The following PHEX variants were observed in gnomAD, a reference collection of about 807,000 sequenced individuals.
The protein encoded by PHEX is phosphate-regulating neutral endopeptidase PHEX.
In PHEX, 16 loss-of-function variants were observed where a neutral mutation model predicts 68.0. The observed-to-expected ratio is 0.24, with a 90% CI of 0.16 to 0.36. PHEX has a LOEUF of 0.36. Ranked by LOEUF, PHEX falls within the 10% of genes least tolerant of loss-of-function variation. The pLI is 1.00. For missense variants in PHEX, 480 were observed against 575.5 expected (o/e 0.83, Z 1.70); for synonymous variants, 208 against 205.1 (o/e 1.01, Z -0.12).
intron 3 of PHEX, among the ~76,000 whole-genome samples, chrX:22,071,481 C>T (rs979715805): frequency 2.7e-5 from 3 of 111,524 alleles, no homozygotes; most frequent in Admixed American, 1.9e-4. Flanking sequence ...TTCAACTCAG[C>T]GAACATTCAC....
At chrX:22,204,477 AG>A (rs1015982610) in intron 15 of PHEX, among the ~76,000 whole-genome samples, 2 of 112,377 alleles carry the variant, frequency 1.8e-5, no homozygotes, top group African/African-American at 6.5e-5. Flanking sequence ...CTTCCTCTTT[AG>A]GTCTTGCAAA....
intron 18 of PHEX, among the ~76,000 whole-genome samples, chrX:22,224,325 A>G (rs1935371388): frequency 8.9e-6 from 1 of 111,773 alleles, no homozygotes. Context: ...GGAAAAACCT[A>G]TAATGGAATG....
At chrX:22,095,554 G>A (rs1165746506) in intron 7 of PHEX, among the ~76,000 whole-genome samples, 3 of 112,131 alleles carry the variant, frequency 2.7e-5, no homozygotes, top group African/African-American at 6.5e-5. Flanking sequence ...GTGAGACTCC[G>A]AGGGCGGAGG....
intron 6 of PHEX, among the ~76,000 whole-genome samples, chrX:22,091,698 C>G (rs947619884): frequency 8.9e-6 from 1 of 111,860 alleles, no homozygotes; most frequent in African/African-American, 3.3e-5. Context: ...TGTTCTTCCC[C>G]CAACAAAAGC....
At chrX:22,211,949 A>G (rs1008282648) in intron 15 of PHEX, among the ~76,000 whole-genome samples, 2 of 111,820 alleles carry the variant, frequency 1.8e-5, no homozygotes, top group African/African-American at 3.3e-5. Context: ...AACCGCGCCC[A>G]TGATTCAATT....
chrX:22,232,063 A>T (rs1351031568), intron 20 of PHEX, among the ~76,000 whole-genome samples: 2 of 111,740 alleles, frequency 1.8e-5, no homozygotes, highest in Admixed American at 1.9e-4. Flanking sequence ...TTCAGTTTCC[A>T]TGTAGCTGTG....
chrX:22,135,930 A>G (rs1225483370), intron 12 of PHEX, among the ~76,000 whole-genome samples: 2 of 111,998 alleles, frequency 1.8e-5, no homozygotes, highest in South Asian at 7.5e-4. Context: ...CTTGCATTTC[A>G]GAGTTCAGAG....
chrX:22,169,807 C>CT (rs1284624966), intron 13 of PHEX: 1 of 112,643 alleles, frequency 8.9e-6, no homozygotes, highest in African/African-American at 3.2e-5. Flanking sequence ...TTATTTCATC[C>CT]TGTGTAGGTT....
intron 20 of PHEX, among the ~76,000 whole-genome samples, chrX:22,232,941 G>C (rs1935819697): frequency 9.0e-6 from 1 of 111,007 alleles, no homozygotes; most frequent in South Asian, 3.9e-4. Context: ...GGTGCCAGTT[G>C]TTCCTTTCTG....
chrX:22,196,112 G>A (rs1354221410), intron 15 of PHEX, among the ~76,000 whole-genome samples: 1 of 112,021 alleles, frequency 8.9e-6, no homozygotes, highest in Non-Finnish European at 1.9e-5. Context: ...CCAGGGGTTT[G>A]AGACAGCAGT....
chrX:22,201,267 C>G (rs1045204397), intron 15 of PHEX, among the ~76,000 whole-genome samples: 3 of 111,302 alleles, frequency 2.7e-5, no homozygotes, highest in African/African-American at 9.8e-5. Context: ...ACCTTCACCT[C>G]CTGGGTTCAA....
chrX:22,079,850 A>C (rs7889396), intron 5 of PHEX, among the ~76,000 whole-genome samples: 8,041 of 111,451 alleles, frequency 0.072, 442 homozygotes, highest in African/African-American at 0.19. Flanking sequence ...AATGCAGAAG[A>C]AATAATAGGA....
intron 3 of PHEX, among the ~76,000 whole-genome samples, chrX:22,055,946 T>G (rs1167841059): frequency 8.9e-6 from 1 of 111,985 alleles, no homozygotes; most frequent in African/African-American, 3.2e-5. Flanking sequence ...GCCTTCCATT[T>G]TAAGATCTGA....
intron 3 of PHEX, among the ~76,000 whole-genome samples, chrX:22,067,568 T>C (rs182208789): frequency 9.0e-6 from 1 of 111,588 alleles, no homozygotes; most frequent in East Asian, 2.8e-4. Flanking sequence ...CAAAAGTTCC[T>C]TTTTTGATTT....
chrX:22,155,792 CT>C (rs1932937619), intron 12 of PHEX, among the ~76,000 whole-genome samples: 1 of 111,145 alleles, frequency 9.0e-6, no homozygotes, highest in African/African-American at 3.3e-5. Context: ...ACCTTTGTGC[CT>C]TATTTTTCCC....
rs1274548041 is a variant in PHEX at position 22,179,289 on chromosome X, C to CT, written c.1586+920dup. On this transcript the variant is annotated intron_variant, in intron 14 of 21. Coordinates refer to ENST00000379374, the MANE Select transcript of PHEX (RefSeq NM_000444.6). ...GGTCTGGATTTCAACTCCAGAATTTCTTTTTTTAATTTAATTGTATTATTA... is the reference window on the plus strand; with the variant it reads ...GGTCTGGATTTCAACTCCAGAATTTCTTTTTTTTAATTTAATTGTATTATTA... Among the ~76,000 whole-genome samples the CT allele has an allele frequency of 3.6e-5, 4 of 110,624 alleles. No homozygotes were observed. The East Asian group carries it at 1.1e-3, about 31-fold the overall frequency.
chrX:22,043,479 G>A (rs927839052), intron 2 of PHEX, among the ~76,000 whole-genome samples: 2 of 111,011 alleles, frequency 1.8e-5, no homozygotes, highest in Admixed American at 9.6e-5. Context: ...TTCAGGTGAG[G>A]AAACTAAGAC....
At chrX:22,242,919 G>GA (rs1472267957) in intron 20 of PHEX, among the ~76,000 whole-genome samples, 1 of 111,791 alleles carries the variant, frequency 8.9e-6, no homozygotes, top group Non-Finnish European at 1.9e-5. Flanking sequence ...CACAGAATTG[G>GA]AAAAAACTTA....
chrX:22,127,703 C>CAA (rs35060793), intron 11 of PHEX, among the ~76,000 whole-genome samples: 5 of 94,130 alleles, frequency 5.3e-5, no homozygotes, highest in African/African-American at 1.5e-4. Context: ...TAAAGTCTGC[C>CAA]AAAAAAAAAA....
Sources: gnomAD v4.1 joint callset for allele counts (sites outside exome capture counted in the v4.1 genomes callset) on GRCh38, gnomAD v4.1.1 for gene constraint, MANE v1.5 for transcripts, NCBI Gene and HGNC (gene_info 2026-07-23, HGNC 2026-07-21) for gene names.